Variants in TMEM63A observed in about 807,000 individuals in gnomAD.
TMEM63A encodes the protein transmembrane protein 63A.
In TMEM63A, 76 loss-of-function variants were observed where a neutral mutation model predicts 100.6. The ratio of observed to expected loss-of-function variants is 0.76; its 90% CI spans 0.63 to 0.91. The LOEUF (loss-of-function observed/expected upper bound fraction) is 0.91, where lower values mean the gene tolerates loss of function less well. Among genes scored for constraint, TMEM63A ranks in the 40% least tolerant of loss-of-function variants. The pLI, the probability that TMEM63A is intolerant of heterozygous loss-of-function variation, is 0.00. For synonymous variants in TMEM63A, 401 were observed against 401.1 expected (o/e 1.00, Z 0.00); for missense variants, 876 against 1,008.8 (o/e 0.87, Z 1.78).
At chr1:225,876,639 CTTTTT>C (rs376473268) in intron 3 of TMEM63A, among the ~76,000 whole-genome samples, 1 of 104,638 alleles carries the variant, frequency 9.6e-6, no homozygotes, top group Non-Finnish European at 2.4e-5. Flanking sequence ...GCTTCTAATT[CTTTTT>C]TTTGTTTTTT....
chr1:225,851,638 G>A (rs1392508390), intron 20 of TMEM63A, among the ~76,000 whole-genome samples: 3 of 152,174 alleles, frequency 2.0e-5, no homozygotes, highest in Non-Finnish European at 4.4e-5. Context: ...CAAAGTGCTG[G>A]GATTACAGGC....
chr1:225,848,682 CGA>C (rs796420857), intron 22 of TMEM63A, 128 bp from the exon 23 acceptor site: 19 of 1,066,596 alleles, frequency 1.8e-5, no homozygotes, highest in African/African-American at 6.2e-5. Flanking sequence ...CCCAGCAGCC[CGA>C]GAGAGGATGG....
In TMEM63A at chr1:225,846,308, C is replaced by A; in HGVS notation, c.*631G>T. The A allele has an allele frequency of 6.6e-6, 1 of 152,658 alleles. No homozygotes were observed. The highest frequency in any genetic ancestry group is 1.5e-5 in the Non-Finnish European group (1 of 68,292). 9.5% of individuals were successfully genotyped at this position (152,658 alleles called of 1,614,324 possible). ...AGAGAGGCTGGATCTTAACTGTGGTCCAATGGGCATATTATGAGTGGTCCT... is the reference window on the plus strand; with the variant it reads ...AGAGAGGCTGGATCTTAACTGTGGTACAATGGGCATATTATGAGTGGTCCT... On this transcript the variant is annotated 3_prime_UTR_variant, in exon 25 of 25. Coordinates refer to ENST00000366835, the MANE Select transcript of TMEM63A (RefSeq NM_014698.3).
At chr1:225,849,617 C>G (rs2292558) in intron 21 of TMEM63A, among the ~76,000 whole-genome samples, 15,874 of 152,242 alleles carry the variant, frequency 0.1, 934 homozygotes, top group South Asian at 0.22. Flanking sequence ...CTCGGGCTAG[C>G]TTAGGAGCCA....
intron 10 of TMEM63A, chr1:225,863,982 A>C (rs1387683949): frequency 1.3e-5 from 2 of 151,498 alleles, no homozygotes; most frequent in Non-Finnish European, 2.9e-5. Context: ...GTATTGTTAC[A>C]TATATTTATT....
In TMEM63A at chr1:225,845,550, A is replaced by G. The variant is rs1052672160; in HGVS notation, c.*1389T>C. 6 of 617,992 alleles carry G rather than the reference A, an allele frequency of 9.7e-6. No individual in the cohort carries two copies. The highest frequency in any genetic ancestry group is 2.9e-5 in the Admixed American group (1 of 34,692). The allele number at this position is 617,992 out of a possible 1,614,324, so 38.3% of individuals were successfully genotyped here. On this transcript the variant is annotated 3_prime_UTR_variant, in exon 25 of 25. Coordinates refer to ENST00000366835, the MANE Select transcript of TMEM63A (RefSeq NM_014698.3). ...AGCAACATGGCTTTGATGATAAACG[A>G]CTTTACTCTAAAAGCGGCTGGAACT...
Position 225,874,322 on chromosome 1 carries a change from A to G in TMEM63A, c.232T>C (p.Tyr78His). 1 of 1,614,116 alleles carries G rather than the reference A, an allele frequency of 6.2e-7. No homozygotes were observed. Among genetic ancestry groups the G allele is most frequent in the South Asian group, 1.1e-5 (1 of 91,050 alleles). ...TCTGACACCAGGGCAATGCGGCCAT[A>G]GTCCCAGAATCTTCTTCTTATAATA... Reference protein sequence around the residue: ...FSIIRRRFWDYGRIALVSEAD... With the variant: ...FSIIRRRFWDHGRIALVSEAD... Residue 78 changes from tyrosine to histidine, a missense_variant, in exon 4 of 25, where the codon TAT (tyrosine) becomes CAT (histidine). Transcript: ENST00000366835.
At chr1:225,845,106 G>A (rs372085513), downstream of TMEM63A, 4 of 1,607,116 alleles carry the variant, frequency 2.5e-6, no homozygotes, top group Admixed American at 1.7e-5. Flanking sequence ...AGGGGCGCAG[G>A]GCCACAGCCT....
chr1:225,880,188 G>A (rs546030604), intron 1 of TMEM63A, among the ~76,000 whole-genome samples: 45 of 152,298 alleles, frequency 3.0e-4, no homozygotes, highest in Middle Eastern at 6.8e-3. Context: ...GGCCAGTCCT[G>A]TCTGCCCTCT....
intron 22 of TMEM63A, 149 bp downstream of exon 22, chr1:225,848,748 C>A: frequency 1.2e-6 from 1 of 815,204 alleles, no homozygotes; most frequent in South Asian, 1.7e-5. Context: ...TGGCACCCAA[C>A]CACCCACGCC....
At chr1:225,849,214 C>T (rs79763765) in intron 21 of TMEM63A, among the ~76,000 whole-genome samples, 5,779 of 146,934 alleles carry the variant, frequency 0.039, 176 homozygotes, top group East Asian at 0.13. Context: ...CAGGAACACA[C>T]AGAGGGACCC....
At chr1:225,857,081 T>C (rs1669661468) in intron 15 of TMEM63A, 64 bp from the exon 16 acceptor site, 1 of 1,388,120 alleles carries the variant, frequency 7.2e-7, no homozygotes, top group African/African-American at 1.5e-5. Flanking sequence ...TCTGAGGCCA[T>C]GACCTATTGG....
rs1669414228 is a variant in TMEM63A at position 225,852,755 on chromosome 1, C to T, written c.1812G>A (p.Gln604=). 6.2e-7 allele frequency: 1 copy of T among 1,613,930 alleles called. No individual in the cohort carries two copies. Among genetic ancestry groups the T allele is most frequent in the Non-Finnish European group, 8.5e-7 (1 of 1,180,036 alleles). ...ATGCATACATGGCTCCAAACTCGTA[C>T]TGGAAGGCCTGGTTCTGGGAGGAGG... is the stretch of plus-strand genomic sequence containing the variant. The part of the protein sequence containing the change: ...RRNVKQNQAF[Q]YEFGAMYAWM... Residue 604 remains glutamine, a synonymous_variant, in exon 20 of 25, where the codon CAG becomes CAA. Coordinates refer to ENST00000366835, the MANE Select transcript of TMEM63A (RefSeq NM_014698.3).
downstream of TMEM63A, chr1:225,845,216 G>A (rs1559028549): frequency 1.9e-6 from 3 of 1,614,164 alleles, no homozygotes; most frequent in Admixed American, 1.7e-5. Context: ...TGAAAAGTGG[G>A]TGAGGTTCAA....
intron 5 of TMEM63A, chr1:225,871,691 C>T: frequency 2.6e-6 from 1 of 381,574 alleles, no homozygotes. Context: ...ATAATCCAGC[C>T]AGCAAGTCCA....
At position 225,853,460 on chromosome 1, in the gene TMEM63A, G is replaced by A. The variant is rs1378703126; in HGVS notation, c.1797+169C>T. Among the ~76,000 whole-genome samples, 2 of 152,164 alleles carry A rather than the reference G, an allele frequency of 1.3e-5. No individual in the cohort carries two copies. Among genetic ancestry groups the A allele is most frequent in the Non-Finnish European group, 2.9e-5 (2 of 68,020 alleles). On this transcript the variant is annotated intron_variant, in intron 19 of 24. Coordinates refer to ENST00000366835, the MANE Select transcript of TMEM63A (RefSeq NM_014698.3). The surrounding 1 kb of genome is among the most constrained non-coding windows in gnomAD (Gnocchi z 4.0). The stretch of plus-strand genomic sequence containing the variant: ...TAGAGAGGAGGCTGGAGGAGGCCAC[G>A]CCTGCCTGGACCCGGGTTTGAGAAG...
chr1:225,857,016 T>G lies in TMEM63A; in HGVS notation c.1379A>C (p.Asn460Thr), dbSNP rs1280595835. ...GGGGAAGAACTGGCTGATGATCGGG[T>G]TCTAGGAGAAAGGTCCACAGCAGAG... ...NVTKPIHALN[N>T]PIISQFFPTL... Residue 460 changes from asparagine to threonine, a missense_variant and splice_region_variant, in exon 16 of 25, where the codon AAC becomes ACC. This residue lies in a region of TMEM63A where 487 missense variants were observed against 581.9 expected (regional missense o/e 0.84). Transcript: ENST00000366835. 8 of 1,577,894 alleles carry G rather than the reference T, an allele frequency of 5.1e-6. No homozygotes were observed. Among genetic ancestry groups the G allele is most frequent in the Non-Finnish European group, 6.8e-6 (8 of 1,168,266 alleles).
intron 18 of TMEM63A, among the ~76,000 whole-genome samples, chr1:225,854,355 G>A (rs1195966944): frequency 6.6e-6 from 1 of 152,220 alleles, no homozygotes; most frequent in Admixed American, 6.5e-5. Flanking sequence ...ATGGGGTCAG[G>A]GAGACTACAC....
Position 225,862,599 on chromosome 1 carries a change from G to A in TMEM63A, c.828-21C>T. 6.2e-7 allele frequency: 1 copy of A among 1,609,540 alleles called. No homozygotes were observed. Among genetic ancestry groups the A allele is most frequent in the East Asian group, 2.2e-5 (1 of 44,774 alleles). On this transcript the variant is annotated intron_variant, in intron 11 of 24. Transcript: ENST00000366835. The surrounding 1 kb of genome is among the most constrained non-coding windows in gnomAD (Gnocchi z 5.1). ...TCTTTCTGTAGGGGTGGGAGCGGGG[G>A]CACAAACCTCAGATTTAGAATCCTG...
Sources: gnomAD v4.1 joint callset for allele counts (sites outside exome capture counted in the v4.1 genomes callset) on GRCh38, gnomAD v4.1.1 for gene constraint, gnomAD v4.1.1 regional missense constraint, Gnocchi (gnomAD v3.1) non-coding constraint, MANE v1.5 for transcripts, NCBI Gene and HGNC (gene_info 2026-07-23, HGNC 2026-07-21) for gene names.